The following ZFAND3 variants were observed in gnomAD, a reference collection of about 807,000 sequenced individuals.
ZFAND3 encodes zinc finger AN1-type containing 3, also known as AN1-type zinc finger protein 3.
Under a neutral mutation model 29.6 loss-of-function variants are expected in ZFAND3, and 10 were observed. The observed-to-expected ratio is 0.34, with a 90% CI of 0.21 to 0.57. The LOEUF (loss-of-function observed/expected upper bound fraction) is 0.57, where lower values mean the gene tolerates loss of function less well. ZFAND3 is among the 20% of genes least tolerant of loss of function. ZFAND3 has a pLI of 0.86. For missense variants in ZFAND3, 230 were observed against 304.5 expected, an observed-to-expected ratio of 0.76 and a Z score of 1.82; for synonymous variants, 128 against 112.6, an observed-to-expected ratio of 1.14 and a Z score of -0.87.
At chr6:38,051,368 T>C (rs1199601212) in intron 2 of ZFAND3, among the ~76,000 whole-genome samples, 1 of 152,232 alleles carries the variant, frequency 6.6e-6, no homozygotes, top group Non-Finnish European at 1.5e-5. Context: ...TATTCCCAAA[T>C]ACTTTTCTAC....
rs116869891 is a variant in ZFAND3 at position 38,118,066 on chromosome 6, A to G, written c.529+1327A>G. Among the ~76,000 whole-genome samples the G allele has an allele frequency of 7.2e-5, 11 of 152,340 alleles. No individual in the cohort carries two copies. In the East Asian group the frequency reaches 2.1e-3, roughly 29 times the overall value. On this transcript the variant is annotated intron_variant, in intron 5 of 5. Coordinates refer to ENST00000287218, the MANE Select transcript of ZFAND3 (RefSeq NM_021943.3). ...ATAAGGTTTTTAGGGCATTTTGGTT[A>G]TAGTGCTAAGCATTTTTGGGAAACC...
intron 1 of ZFAND3, among the ~76,000 whole-genome samples, chr6:37,869,412 G>C (rs1191219038): frequency 6.6e-6 from 1 of 151,862 alleles, no homozygotes; most frequent in Non-Finnish European, 1.5e-5. Flanking sequence ...ACGTACCTGG[G>C]CCCCCAAAGT....
intron 3 of ZFAND3, among the ~76,000 whole-genome samples, chr6:38,065,838 T>A (rs1581888423): frequency 6.6e-6 from 1 of 152,244 alleles, no homozygotes; most frequent in Non-Finnish European, 1.5e-5. Context: ...CTAAATAAAC[T>A]ATTTAATAAA....
intron 5 of ZFAND3, among the ~76,000 whole-genome samples, chr6:38,125,036 C>T (rs1765609096): frequency 6.6e-6 from 1 of 152,182 alleles, no homozygotes. Context: ...GTGTCCCATC[C>T]ATCCCCCCAA....
At chr6:37,863,106 C>T (rs1421055164) in intron 1 of ZFAND3, among the ~76,000 whole-genome samples, 1 of 152,140 alleles carries the variant, frequency 6.6e-6, no homozygotes, top group Admixed American at 6.6e-5. Flanking sequence ...AGTCTGATTC[C>T]TGCGCTGACA....
intron 1 of ZFAND3, among the ~76,000 whole-genome samples, chr6:37,871,027 GT>G (rs1453668489): frequency 2.0e-5 from 3 of 152,070 alleles, no homozygotes; most frequent in African/African-American, 4.8e-5. Context: ...CTTGTACTCC[GT>G]TTGGGAAAAT....
At chr6:37,998,871 A>G (rs1180431465) in intron 2 of ZFAND3, among the ~76,000 whole-genome samples, 2 of 152,224 alleles carry the variant, frequency 1.3e-5, no homozygotes, top group African/African-American at 2.4e-5. Flanking sequence ...AGATGGTTAC[A>G]TATAGAAATA....
At chr6:37,939,924 C>T (rs933834134) in intron 2 of ZFAND3, among the ~76,000 whole-genome samples, 1 of 152,228 alleles carries the variant, frequency 6.6e-6, no homozygotes. Context: ...CCTGTAATCC[C>T]AGCTACTCCG....
intron 2 of ZFAND3, among the ~76,000 whole-genome samples, chr6:37,943,994 A>T (rs564942369): frequency 2.0e-5 from 3 of 152,192 alleles, no homozygotes; most frequent in Non-Finnish European, 4.4e-5. Context: ...TAATTTGTAG[A>T]TACTGCTTTA....
chr6:38,014,391 A>G (rs1763218796), intron 2 of ZFAND3, among the ~76,000 whole-genome samples: 1 of 151,712 alleles, frequency 6.6e-6, no homozygotes, highest in African/African-American at 2.4e-5. Context: ...CCGTGGCGCG[A>G]TCTTGGCTCA....
intron 1 of ZFAND3, among the ~76,000 whole-genome samples, chr6:37,875,918 T>A (rs11756656): frequency 1.3e-5 from 2 of 151,722 alleles, no homozygotes; most frequent in South Asian, 2.1e-4. Context: ...TGATTTTCTC[T>A]CCTTGGCCTC....
chr6:38,081,838 A>G (rs1282590489), intron 3 of ZFAND3, among the ~76,000 whole-genome samples: 1 of 152,058 alleles, frequency 6.6e-6, no homozygotes, highest in Non-Finnish European at 1.5e-5. Flanking sequence ...ATTTCTTATA[A>G]TGAAACTAGA....
intron 2 of ZFAND3, among the ~76,000 whole-genome samples, chr6:37,937,696 C>CTTAA (rs1184040130): frequency 2.7e-5 from 4 of 148,510 alleles, no homozygotes; most frequent in Non-Finnish European, 6.0e-5. Context: ...AACTGCTGCT[C>CTTAA]TTAAGACGAA....
At chr6:38,099,434 C>T (rs1765048376) in intron 4 of ZFAND3, among the ~76,000 whole-genome samples, 1 of 152,156 alleles carries the variant, frequency 6.6e-6, no homozygotes, top group Non-Finnish European at 1.5e-5. Context: ...TTATGCACCC[C>T]GTCATTCTGA....
intron 1 of ZFAND3, 58 bp from the exon 2 acceptor site, chr6:37,929,901 T>G: frequency 4.6e-6 from 7 of 1,508,988 alleles, no homozygotes; most frequent in Non-Finnish European, 5.3e-6. Context: ...TATGTTTTGA[T>G]TAGAGTGATA....
chr6:37,914,871 A>T (rs935071510), intron 1 of ZFAND3, among the ~76,000 whole-genome samples: 1 of 150,370 alleles, frequency 6.7e-6, no homozygotes, highest in Non-Finnish European at 1.5e-5. Flanking sequence ...TTCAACTTAA[A>T]GTCACCAGCT....
Position 38,061,758 on chromosome 6 carries a change from C to T in ZFAND3, c.278C>T (p.Ser93Leu). The T allele has an allele frequency of 1.2e-6, 2 of 1,614,084 alleles. No individual in the cohort carries two copies. The highest frequency in any genetic ancestry group is 1.7e-6 in the Non-Finnish European group (2 of 1,179,994). ...CTTCCGACAGAACTGAATGTAACTT[C>T]ACCGAGTAAAGAGGAGTGTAAGTGT... ...QPLPTELNVT[S>L]PSKEECGPCT... is the part of the protein sequence containing the mutation. The change falls in exon 3 of 6, where the codon TCA becomes TTA. Residue 93 changes from serine to leucine, a missense_variant. Coordinates refer to ENST00000287218, the MANE Select transcript of ZFAND3 (RefSeq NM_021943.3).
chr6:38,095,610 C>G (rs748336048), intron 4 of ZFAND3, among the ~76,000 whole-genome samples: 2 of 152,168 alleles, frequency 1.3e-5, no homozygotes, highest in African/African-American at 4.8e-5. Context: ...AGCTTTTATT[C>G]TCTCATTTTT....
At chr6:37,939,770 G>A (rs899240920) in intron 2 of ZFAND3, among the ~76,000 whole-genome samples, 7 of 152,062 alleles carry the variant, frequency 4.6e-5, no homozygotes, top group Non-Finnish European at 1.0e-4. Context: ...GGCCAGGAAC[G>A]GTGGCTCACA....
Sources: allele counts gnomAD v4.1 joint callset (sites outside exome capture counted in the v4.1 genomes callset), GRCh38; gene constraint gnomAD v4.1.1; transcripts MANE v1.5; gene names NCBI Gene and HGNC (gene_info 2026-07-23, HGNC 2026-07-21).